Variants in ALK observed in about 807,000 individuals in gnomAD.
ALK encodes ALK receptor tyrosine kinase.
In ALK, 74 loss-of-function variants were observed where a neutral mutation model predicts 163.1. The ratio of observed to expected loss-of-function variants is 0.45; its 90% confidence interval spans 0.38 to 0.55. The LOEUF (loss-of-function observed/expected upper bound fraction) is 0.55. Ranked by LOEUF, ALK falls within the 20% of genes least tolerant of loss-of-function variation. The probability of loss-of-function intolerance (pLI) is 0.00; values close to 1 mark genes in which losing one functional copy is unlikely to be tolerated. For missense variants in ALK, 2,063 were observed against 2,105.3 expected (o/e 0.98, Z 0.39); for synonymous variants, 960 against 843.2 (o/e 1.14, Z -2.40).
chr2:29,364,205 G>T (rs181330367), intron 5 of ALK, among the ~76,000 whole-genome samples: 1 of 152,252 alleles, frequency 6.6e-6, no homozygotes, highest in Admixed American at 6.5e-5. Context: ...CAGATACCTG[G>T]TGTTTTCAGA....
At chr2:29,795,031 A>G (rs1664271307) in intron 1 of ALK, among the ~76,000 whole-genome samples, 1 of 152,202 alleles carries the variant, frequency 6.6e-6, no homozygotes, top group African/African-American at 2.4e-5. Flanking sequence ...TTACAACTGC[A>G]TACAAATATT....
chr2:29,917,699 C>G (rs1667869607), intron 1 of ALK, among the ~76,000 whole-genome samples: 1 of 152,190 alleles, frequency 6.6e-6, no homozygotes, highest in Non-Finnish European at 1.5e-5. Context: ...CCAGGCTGTT[C>G]CAAGTATGAT....
At chr2:29,614,759 GT>G (rs1675794230) in intron 3 of ALK, among the ~76,000 whole-genome samples, 4 of 152,122 alleles carry the variant, frequency 2.6e-5, no homozygotes, top group Non-Finnish European at 5.9e-5. Context: ...TGTTGGGTCA[GT>G]TTGGCCAGAA....
intron 3 of ALK, among the ~76,000 whole-genome samples, chr2:29,685,382 G>A (rs1206901461): frequency 6.6e-6 from 1 of 152,134 alleles, no homozygotes; most frequent in East Asian, 1.9e-4. Flanking sequence ...GGTACTTCTT[G>A]CCTTACAAGA....
intron 5 of ALK, among the ~76,000 whole-genome samples, chr2:29,337,791 A>T (rs149698344): frequency 6.6e-6 from 1 of 152,146 alleles, no homozygotes; most frequent in Non-Finnish European, 1.5e-5. Flanking sequence ...TTTCGCCCCT[A>T]GTTTCCATGT....
At chr2:29,397,255 A>G (rs1000040700) in intron 4 of ALK, among the ~76,000 whole-genome samples, 3 of 152,192 alleles carry the variant, frequency 2.0e-5, no homozygotes, top group Non-Finnish European at 4.4e-5. Flanking sequence ...GAATTTGGAC[A>G]CAGAGACAGA....
chr2:29,806,589 C>A (rs780348819), intron 1 of ALK, among the ~76,000 whole-genome samples: 5 of 152,214 alleles, frequency 3.3e-5, no homozygotes, highest in African/African-American at 4.8e-5. Flanking sequence ...ATGTCCTCAC[C>A]TGGCAGGATT....
chr2:29,616,406 A>C (rs1675848255), intron 3 of ALK, among the ~76,000 whole-genome samples: 1 of 152,204 alleles, frequency 6.6e-6, no homozygotes, highest in African/African-American at 2.4e-5. Flanking sequence ...AATTAAATGT[A>C]GGCTCAGGTT....
chr2:29,356,121 G>A (rs1256187481), intron 5 of ALK, among the ~76,000 whole-genome samples: 1 of 152,178 alleles, frequency 6.6e-6, no homozygotes, highest in Non-Finnish European at 1.5e-5. Context: ...GGTGGAATCT[G>A]AAGGCCCCTC....
At chr2:29,391,285 T>C (rs57578757) in intron 4 of ALK, among the ~76,000 whole-genome samples, 8,003 of 132,162 alleles carry the variant, frequency 0.061, 429 homozygotes, top group African/African-American at 0.15. Flanking sequence ...CCTGAGCTCC[T>C]TTTCCTAGCC....
chr2:29,568,055 A>C (rs186200393), intron 3 of ALK, among the ~76,000 whole-genome samples: 1 of 152,194 alleles, frequency 6.6e-6, no homozygotes, highest in African/African-American at 2.4e-5. Context: ...TCTGAGCCTT[A>C]AATGAAACAT....
At chr2:29,631,240 G>A (rs1191266883) in intron 3 of ALK, among the ~76,000 whole-genome samples, 1 of 152,206 alleles carries the variant, frequency 6.6e-6, no homozygotes, top group Non-Finnish European at 1.5e-5. Context: ...TGGGCCCCTA[G>A]GCTATATCTC....
At chr2:29,234,599 C>T (rs1047195030) in intron 13 of ALK, among the ~76,000 whole-genome samples, 3 of 152,154 alleles carry the variant, frequency 2.0e-5, no homozygotes, top group Admixed American at 1.3e-4. Context: ...TCTCCACCCA[C>T]CCTGGGAAAC....
intron 11 of ALK, among the ~76,000 whole-genome samples, chr2:29,265,044 G>A (rs1333273707): frequency 1.3e-5 from 2 of 151,970 alleles, no homozygotes; most frequent in South Asian, 2.1e-4. Flanking sequence ...TTTTGAGACA[G>A]AGTCTTGCCC....
At chr2:29,833,893 T>G (rs184810971) in intron 1 of ALK, among the ~76,000 whole-genome samples, 1 of 152,308 alleles carries the variant, frequency 6.6e-6, no homozygotes, top group South Asian at 2.1e-4. Context: ...CTTAATTACA[T>G]GATTACTCGA....
chr2:29,484,675 T>A (rs1343894263), intron 4 of ALK, among the ~76,000 whole-genome samples: 1 of 152,160 alleles, frequency 6.6e-6, no homozygotes, highest in Admixed American at 6.5e-5. Context: ...TTTAAATTTG[T>A]TTTCTTCCTT....
rs141048141 is a variant in ALK at position 29,205,530 on chromosome 2, C to G, written c.3938+1641G>C. Among the ~76,000 whole-genome samples, 145 of 152,332 alleles carry G rather than the reference C, an allele frequency of 9.5e-4. 1 individual carries two copies. The East Asian group carries it at 0.024, about 26-fold the overall frequency. On this transcript the variant is annotated intron_variant, in intron 26 of 28. Transcript: ENST00000389048. ...GAAACTGGTATCACAGGACTGAAATCAAGGCATCAGCAGGGCTGTGTCCCT... is the reference window on the plus strand; with the variant it reads ...GAAACTGGTATCACAGGACTGAAATGAAGGCATCAGCAGGGCTGTGTCCCT...
chr2:29,422,524 G>A (rs536064653), intron 4 of ALK, among the ~76,000 whole-genome samples: 2 of 152,282 alleles, frequency 1.3e-5, no homozygotes, highest in Non-Finnish European at 2.9e-5. Flanking sequence ...GAGTGCCTTG[G>A]CCTTAGTACA....
chr2:29,539,874 ATAGTTTTGTGAGCAAAATTAAAACATT>A (rs1220664942), intron 3 of ALK, among the ~76,000 whole-genome samples: 2 of 152,192 alleles, frequency 1.3e-5, no homozygotes, highest in African/African-American at 2.4e-5. Flanking sequence ...TGGGTAAAGT[ATAGTTTTGTGAGCAAAATTAAAACATT>A]TAGTTTTTTC....
Sources: allele counts gnomAD v4.1 joint callset (sites outside exome capture counted in the v4.1 genomes callset), GRCh38; gene constraint gnomAD v4.1.1; transcripts MANE v1.5; gene names NCBI Gene and HGNC (gene_info 2026-07-23, HGNC 2026-07-21).